PRKG1: variants seen among roughly 807,000 people sequenced by gnomAD.
PRKG1 encodes the protein protein kinase cGMP-dependent 1.
In PRKG1, 35 loss-of-function variants were observed where a neutral mutation model predicts 88.1. The ratio of observed to expected loss-of-function variants is 0.40; its 90% CI spans 0.30 to 0.53. The LOEUF (loss-of-function observed/expected upper bound fraction) is 0.53. Ranked by LOEUF, PRKG1 falls within the 20% of genes least tolerant of loss-of-function variation. The pLI is 0.59. For synonymous variants in PRKG1, 303 were observed against 292.5 expected (o/e 1.04, Z -0.37); for missense variants, 540 against 839.8 (o/e 0.64, Z 4.41).
intron 3 of PRKG1, among the ~76,000 whole-genome samples, chr10:51,762,002 G>C (rs568415746): frequency 6.8e-4 from 103 of 151,354 alleles, no homozygotes; most frequent in Admixed American, 1.1e-3. Context: ...CCCCCAAATA[G>C]TATTAAACTT....
chr10:51,329,900 G>C (rs1422719335), intron 2 of PRKG1, among the ~76,000 whole-genome samples: 5 of 145,480 alleles, frequency 3.4e-5, no homozygotes, highest in Non-Finnish European at 7.5e-5. Flanking sequence ...TTTGATTTTT[G>C]AGTTTGATTG....
intron 3 of PRKG1, among the ~76,000 whole-genome samples, chr10:51,604,442 A>T (rs942553164): frequency 6.6e-6 from 1 of 152,162 alleles, no homozygotes; most frequent in Non-Finnish European, 1.5e-5. Context: ...ATAATTATCT[A>T]TGTATTCTTT....
chr10:51,715,815 A>G lies in PRKG1; in HGVS notation c.593-88770A>G, dbSNP rs543107306. On this transcript the variant is annotated intron_variant, in intron 3 of 17. Coordinates refer to ENST00000373980, the MANE Select transcript of PRKG1 (RefSeq NM_006258.4). ...TGAAAACTTTTCTTAGAAAACTTAG[A>G]TGTGTATTACTAAATTTGATGATGT... Among the ~76,000 whole-genome samples, 325 of 152,294 alleles carry G rather than the reference A, an allele frequency of 2.1e-3. 2 individuals carry two copies. The highest frequency in any genetic ancestry group is 7.7e-3 in the African/African-American group (318 of 41,562).
chr10:51,699,961 C>T (rs1278671191), intron 3 of PRKG1, among the ~76,000 whole-genome samples: 1 of 152,370 alleles, frequency 6.6e-6, no homozygotes, highest in Admixed American at 6.5e-5. Context: ...TGGCGGGAAA[C>T]CGCCAACCGA....
intron 3 of PRKG1, among the ~76,000 whole-genome samples, chr10:51,551,253 C>A (rs571713349): frequency 3.3e-5 from 5 of 151,858 alleles, no homozygotes; most frequent in African/African-American, 1.2e-4. Context: ...CACTTCTGAT[C>A]GATGCACAAG....
chr10:51,628,785 C>T (rs1234005497), intron 3 of PRKG1, among the ~76,000 whole-genome samples: 1 of 151,144 alleles, frequency 6.6e-6, no homozygotes, highest in African/African-American at 2.4e-5. Context: ...GGGTGAAACC[C>T]CGTCTCTACT....
At chr10:51,434,396 G>A (rs1838862394) in intron 2 of PRKG1, among the ~76,000 whole-genome samples, 1 of 152,048 alleles carries the variant, frequency 6.6e-6, no homozygotes, top group Non-Finnish European at 1.5e-5. Flanking sequence ...ATTGATAAAG[G>A]TATCAGCTGC....
intron 8 of PRKG1, among the ~76,000 whole-genome samples, chr10:52,152,809 A>G (rs1837972104): frequency 6.6e-6 from 1 of 152,236 alleles, no homozygotes; most frequent in South Asian, 2.1e-4. Context: ...GAGGGGATTC[A>G]TTTCAGATTA....
intron 5 of PRKG1, among the ~76,000 whole-genome samples, chr10:51,960,616 A>C (rs1184713172): frequency 6.6e-6 from 1 of 152,028 alleles, no homozygotes; most frequent in Non-Finnish European, 1.5e-5. Context: ...AAGACGACGT[A>C]ACCAGTTTTT....
chr10:51,446,312 G>A (rs1839271265), intron 2 of PRKG1, among the ~76,000 whole-genome samples: 1 of 151,818 alleles, frequency 6.6e-6, no homozygotes, highest in Non-Finnish European at 1.5e-5. Flanking sequence ...AATGAGAGAA[G>A]TAACATGTTT....
intron 3 of PRKG1, among the ~76,000 whole-genome samples, chr10:51,567,449 A>G (rs1190671948): frequency 6.6e-6 from 1 of 152,102 alleles, no homozygotes; most frequent in Non-Finnish European, 1.5e-5. Flanking sequence ...TTTGTACATC[A>G]GGGCATTCGA....
At chr10:52,020,046 A>T (rs780440121) in intron 5 of PRKG1, among the ~76,000 whole-genome samples, 10 of 151,774 alleles carry the variant, frequency 6.6e-5, no homozygotes, top group Non-Finnish European at 1.5e-4. Context: ...AATATATTTT[A>T]TTTTATTAGT....
intron 1 of PRKG1, among the ~76,000 whole-genome samples, chr10:51,013,982 A>G (rs1019224686): frequency 6.6e-6 from 1 of 152,222 alleles, no homozygotes; most frequent in Non-Finnish European, 1.5e-5. Context: ...TGCAGGAAAG[A>G]ATACTGGGAT....
At chr10:51,902,373 C>T (rs1270021469) in intron 4 of PRKG1, among the ~76,000 whole-genome samples, 2 of 152,090 alleles carry the variant, frequency 1.3e-5, no homozygotes, top group African/African-American at 4.8e-5. Context: ...GCCTAGGCCT[C>T]CCAAAGTGCT....
chr10:51,979,663 A>G (rs1843955172), intron 5 of PRKG1, among the ~76,000 whole-genome samples: 1 of 129,296 alleles, frequency 7.7e-6, no homozygotes, highest in African/African-American at 2.9e-5. Flanking sequence ...TACTGCTTCA[A>G]TTTTGGAGTT....
chr10:51,792,613 C>T (rs1838897353), intron 3 of PRKG1, among the ~76,000 whole-genome samples: 1 of 152,124 alleles, frequency 6.6e-6, no homozygotes, highest in South Asian at 2.1e-4. Flanking sequence ...TATTCTGCAT[C>T]TTCAAAACAT....
chr10:51,961,158 A>C (rs1381218251), intron 5 of PRKG1, among the ~76,000 whole-genome samples: 3 of 152,186 alleles, frequency 2.0e-5, no homozygotes, highest in African/African-American at 7.2e-5. Flanking sequence ...GAACTAACAT[A>C]ATACCAAATA....
intron 1 of PRKG1, among the ~76,000 whole-genome samples, chr10:51,133,189 T>C (rs1389829205): frequency 6.6e-6 from 1 of 152,208 alleles, no homozygotes; most frequent in Non-Finnish European, 1.5e-5. Context: ...AATCTGCATG[T>C]GGATGGCAAA....
At chr10:51,269,213 T>G (rs1341079915) in intron 2 of PRKG1, among the ~76,000 whole-genome samples, 1 of 152,066 alleles carries the variant, frequency 6.6e-6, no homozygotes, top group Non-Finnish European at 1.5e-5. Flanking sequence ...TTAAAAAAAT[T>G]AAAAATATTA....
Sources: gnomAD v4.1 joint callset for allele counts (sites outside exome capture counted in the v4.1 genomes callset) on GRCh38, gnomAD v4.1.1 for gene constraint, MANE v1.5 for transcripts, NCBI Gene and HGNC (gene_info 2026-07-23, HGNC 2026-07-21) for gene names.